The following FCHO2 variants were observed in gnomAD, a reference collection of about 807,000 sequenced individuals.
The protein encoded by FCHO2 is FCH and mu domain containing endocytic adaptor 2, also known as F-BAR domain only protein 2.
Under a neutral mutation model 114.1 loss-of-function variants are expected in FCHO2, and 43 were observed. That is an observed-to-expected ratio of 0.38 (90% CI 0.30 to 0.49). FCHO2 has a LOEUF of 0.49. Ranked by LOEUF, FCHO2 falls within the 20% of genes least tolerant of loss-of-function variation. The pLI is 0.97. For missense variants in FCHO2, 807 were observed against 950.4 expected, an observed-to-expected ratio of 0.85 and a Z score of 1.98; for synonymous variants, 293 against 315.2, an observed-to-expected ratio of 0.93 and a Z score of 0.75.
chr5:73,074,954 G>C, intron 20 of FCHO2, 101 bp downstream of exon 20: 2 of 924,940 alleles, frequency 2.2e-6, no homozygotes, highest in Middle Eastern at 2.5e-4. Context: ...TTTTGATTCT[G>C]TGTAGATTAC....
At chr5:72,960,200 C>G (rs866451196) in intron 1 of FCHO2, among the ~76,000 whole-genome samples, 1 of 152,220 alleles carries the variant, frequency 6.6e-6, no homozygotes, top group Non-Finnish European at 1.5e-5. Flanking sequence ...AAACTCTCTT[C>G]AAGCTCTTTT....
intron 1 of FCHO2, among the ~76,000 whole-genome samples, chr5:72,964,349 A>G (rs1378944040): frequency 1.3e-5 from 2 of 152,154 alleles, no homozygotes; most frequent in African/African-American, 4.8e-5. Flanking sequence ...TTGTACCTGC[A>G]TCAAATCGTT....
chr5:73,041,019 A>G (rs1160805693), intron 10 of FCHO2, among the ~76,000 whole-genome samples: 2 of 152,240 alleles, frequency 1.3e-5, no homozygotes, highest in East Asian at 3.9e-4. Flanking sequence ...GAATATTTAT[A>G]AGCTCTCAAA....
At chr5:73,071,821 T>C (rs914813582) in intron 19 of FCHO2, among the ~76,000 whole-genome samples, 5 of 152,078 alleles carry the variant, frequency 3.3e-5, no homozygotes, top group African/African-American at 1.2e-4. Context: ...TTCCAATACT[T>C]TTCTCTGCTT....
chr5:73,019,536 G>A (rs1225236307), intron 8 of FCHO2, among the ~76,000 whole-genome samples: 9 of 152,060 alleles, frequency 5.9e-5, no homozygotes, highest in Non-Finnish European at 1.2e-4. Context: ...GTAAGACTCC[G>A]TCTTAAAAAA....
intron 8 of FCHO2, among the ~76,000 whole-genome samples, chr5:73,027,018 GTTT>G (rs1369730233): frequency 3.7e-5 from 4 of 107,110 alleles, no homozygotes; most frequent in Non-Finnish European, 4.1e-5. Flanking sequence ...TTGTTTGTTT[GTTT>G]TTTTTTTTTT....
intron 10 of FCHO2, chr5:73,037,757 C>CT: frequency 2.6e-6 from 1 of 391,312 alleles, no homozygotes; most frequent in Non-Finnish European, 5.0e-6. Flanking sequence ...TCTGATTTAC[C>CT]TTCTTTTTTT....
rs1193679744 is a variant in FCHO2, at chr5:73,052,516, A to G, written c.1173+9A>G. 6.4e-7 allele frequency: 1 copy of G among 1,573,860 alleles called. No individual in the cohort carries two copies. Among genetic ancestry groups the G allele is most frequent in the Non-Finnish European group, 8.6e-7 (1 of 1,158,334 alleles). On this transcript the variant is annotated intron_variant, in intron 13 of 25. Transcript: ENST00000430046. ...TCTCCCCAGCAATATCTGTAAGTAC[A>G]AACACGTTTGTACTCTTTATATAAA...
intron 5 of FCHO2, among the ~76,000 whole-genome samples, chr5:73,005,423 AC>A (rs1042088408): frequency 6.6e-6 from 1 of 152,058 alleles, no homozygotes; most frequent in African/African-American, 2.4e-5. Context: ...ATGGTTTGAA[AC>A]TTTTTTTGTT....
chr5:72,956,066 C>T lies in FCHO2; in HGVS notation c.-31C>T, dbSNP rs1391068292. ...GTGTTTACACAGCGGCGGGCGGGCG[C>T]GGACGCGGAACCCGGCGCGGCGGCG... On this transcript the variant is annotated 5_prime_UTR_variant, in exon 1 of 26. Transcript: ENST00000430046. The T allele has an allele frequency of 7.8e-6, 12 of 1,538,124 alleles. No homozygotes were observed. Among genetic ancestry groups the T allele is most frequent in the African/African-American group, 2.8e-5 (2 of 70,826 alleles).
chr5:73,074,472 G>A (rs1742817452), intron 19 of FCHO2, among the ~76,000 whole-genome samples: 1 of 151,824 alleles, frequency 6.6e-6, no homozygotes, highest in Non-Finnish European at 1.5e-5. Flanking sequence ...TTTAGTCAAG[G>A]GCTTTTTTAT....
chr5:72,991,525 A>C (rs1013918712), intron 5 of FCHO2, among the ~76,000 whole-genome samples: 2 of 152,238 alleles, frequency 1.3e-5, no homozygotes, highest in African/African-American at 4.8e-5. Flanking sequence ...ACTTGCACAT[A>C]AGCTTTAAAT....
chr5:73,086,665 C>G (rs1466511551), intron 24 of FCHO2, among the ~76,000 whole-genome samples: 1 of 152,142 alleles, frequency 6.6e-6, no homozygotes, highest in Admixed American at 6.5e-5. Flanking sequence ...GTCTCCCAAC[C>G]TTGCATCTTG....
chr5:72,989,982 TGAAAA>T (rs1262448463), intron 3 of FCHO2, among the ~76,000 whole-genome samples: 5 of 151,888 alleles, frequency 3.3e-5, no homozygotes, highest in African/African-American at 9.7e-5. Flanking sequence ...ATGAAAATAA[TGAAAA>T]GAATACATTT....
chr5:72,968,665 AAACTT>A lies in FCHO2; in HGVS notation c.125+77_125+81del. ...AATTTTAGAATATAAATAATGGAGA[AAACTT>A]TATTTGGATTTGGAATAAAGTAATT... On this transcript the variant is annotated intron_variant, in intron 2 of 25. Transcript: ENST00000430046. The A allele has an allele frequency of 2.9e-6, 3 of 1,036,200 alleles. No individual in the cohort carries two copies. The South Asian group carries it at 4.9e-5, about 17-fold the overall frequency. 64.2% of individuals were successfully genotyped at this position (1,036,200 alleles called of 1,614,324 possible).
At chr5:73,015,394 C>G (rs929884392) in intron 6 of FCHO2, among the ~76,000 whole-genome samples, 1 of 151,808 alleles carries the variant, frequency 6.6e-6, no homozygotes, top group African/African-American at 2.4e-5. Flanking sequence ...TCCTGAATTG[C>G]TGGGATTACA....
chr5:73,051,814 C>T (rs540147405), intron 12 of FCHO2, among the ~76,000 whole-genome samples: 34 of 152,254 alleles, frequency 2.2e-4, no homozygotes, highest in African/African-American at 7.9e-4. Context: ...AAGTGAACCA[C>T]CTGCGTTGGC....
At chr5:72,984,097 A>G (rs1198206484) in intron 2 of FCHO2, among the ~76,000 whole-genome samples, 3 of 152,064 alleles carry the variant, frequency 2.0e-5, no homozygotes, top group African/African-American at 7.2e-5. Flanking sequence ...TATCTATCTT[A>G]TTGTGACCTT....
chr5:72,957,186 C>A (rs1751598374), intron 1 of FCHO2, among the ~76,000 whole-genome samples: 1 of 152,130 alleles, frequency 6.6e-6, no homozygotes, highest in Non-Finnish European at 1.5e-5. Flanking sequence ...AACGTATATA[C>A]TAGACCTTAG....
Sources: allele counts gnomAD v4.1 joint callset (sites outside exome capture counted in the v4.1 genomes callset), GRCh38; gene constraint gnomAD v4.1.1; transcripts MANE v1.5; gene names NCBI Gene and HGNC (gene_info 2026-07-23, HGNC 2026-07-21).